Variants in TBC1D5 observed in about 807,000 individuals in gnomAD.
The protein encoded by TBC1D5 is TBC1 domain family, member 5.
Under a neutral mutation model 100.3 loss-of-function variants are expected in TBC1D5, and 75 were observed. The ratio of observed to expected loss-of-function variants is 0.75; its 90% CI spans 0.62 to 0.91. The LOEUF (loss-of-function observed/expected upper bound fraction) is 0.91, where lower values mean the gene tolerates loss of function less well. Ranked by LOEUF, TBC1D5 falls within the 40% of genes least tolerant of loss-of-function variation. The pLI, the probability that TBC1D5 is intolerant of heterozygous loss-of-function variation, is 0.00. For missense variants in TBC1D5, 910 were observed against 942.4 expected (o/e 0.97, Z 0.45); for synonymous variants, 323 against 325.6 (o/e 0.99, Z 0.09).
intron 9 of TBC1D5, 121 bp downstream of exon 9, chr3:17,383,792 T>C (rs1477992211): frequency 1.5e-6 from 1 of 657,046 alleles, no homozygotes; most frequent in East Asian, 2.8e-5. Flanking sequence ...AACTCTCTGA[T>C]TGCTTTAGCA....
intron 1 of TBC1D5, among the ~76,000 whole-genome samples, chr3:17,704,436 G>A (rs2073681891): frequency 6.7e-6 from 1 of 150,116 alleles, no homozygotes; most frequent in Non-Finnish European, 1.5e-5. Context: ...GAGCTGTTGG[G>A]CACACCTCCC....
At chr3:17,537,559 C>G (rs2096294872) in intron 2 of TBC1D5, among the ~76,000 whole-genome samples, 1 of 152,152 alleles carries the variant, frequency 6.6e-6, no homozygotes, top group African/African-American at 2.4e-5. Context: ...ATTAAATATA[C>G]TTCCCATTCC....
chr3:17,655,858 A>T (rs2066013218), intron 1 of TBC1D5, among the ~76,000 whole-genome samples: 1 of 152,226 alleles, frequency 6.6e-6, no homozygotes, highest in Non-Finnish European at 1.5e-5. Flanking sequence ...TGATACAGAC[A>T]TTTAAATAAA....
At chr3:17,439,710 T>C (rs1431650331) in intron 3 of TBC1D5, among the ~76,000 whole-genome samples, 4 of 152,196 alleles carry the variant, frequency 2.6e-5, no homozygotes, top group African/African-American at 9.6e-5. Context: ...CGAATTGATA[T>C]GTATCATTTT....
At chr3:17,346,026 A>C (rs1370988427) in intron 13 of TBC1D5, among the ~76,000 whole-genome samples, 11 of 152,166 alleles carry the variant, frequency 7.2e-5, no homozygotes, top group Non-Finnish European at 1.5e-4. Context: ...ATATGTAACT[A>C]ACCTGCACAT....
At chr3:17,340,904 A>G (rs2151393929) in intron 13 of TBC1D5, among the ~76,000 whole-genome samples, 1 of 152,296 alleles carries the variant, frequency 6.6e-6, no homozygotes, top group Non-Finnish European at 1.5e-5. Flanking sequence ...TTTCTTAGTC[A>G]CCACTGGGTC....
chr3:17,373,457 C>G (rs144580450), intron 12 of TBC1D5, among the ~76,000 whole-genome samples: 1 of 152,208 alleles, frequency 6.6e-6, no homozygotes, highest in East Asian at 1.9e-4. Context: ...CCATAATGAT[C>G]ACTAAGATAG....
chr3:17,316,659 G>A (rs1476983197), intron 13 of TBC1D5, among the ~76,000 whole-genome samples: 1 of 152,200 alleles, frequency 6.6e-6, no homozygotes, highest in Non-Finnish European at 1.5e-5. Context: ...CTTCTTGAAG[G>A]CTCACTGTGT....
chr3:17,571,399 T>A (rs564918178), intron 2 of TBC1D5, among the ~76,000 whole-genome samples: 1 of 152,130 alleles, frequency 6.6e-6, no homozygotes, highest in African/African-American at 2.4e-5. Context: ...CGGCTATTAA[T>A]CTTAAACTAA....
intron 3 of TBC1D5, among the ~76,000 whole-genome samples, chr3:17,496,997 C>G (rs762731800): frequency 6.6e-6 from 1 of 151,950 alleles, no homozygotes; most frequent in African/African-American, 2.4e-5. Context: ...CTTCAGTTCC[C>G]TATGTATGAC....
intron 15 of TBC1D5, among the ~76,000 whole-genome samples, chr3:17,263,623 TAAG>T (rs1190618366): frequency 6.6e-6 from 1 of 152,094 alleles, no homozygotes; most frequent in Non-Finnish European, 1.5e-5. Flanking sequence ...TATAGCAATA[TAAG>T]AAGAATGCTG....
At chr3:17,519,568 G>C (rs750260729) in intron 2 of TBC1D5, among the ~76,000 whole-genome samples, 1 of 152,090 alleles carries the variant, frequency 6.6e-6, no homozygotes, top group Non-Finnish European at 1.5e-5. Flanking sequence ...GTTGGTTTTC[G>C]ACTAACTTCT....
At chr3:17,609,570 T>C (rs1042530173) in intron 2 of TBC1D5, among the ~76,000 whole-genome samples, 4 of 152,246 alleles carry the variant, frequency 2.6e-5, no homozygotes, top group African/African-American at 4.8e-5. Flanking sequence ...AGCTCTATCT[T>C]TGGCTACCTG....
At chr3:17,390,373 AT>A (rs2093316708) in intron 8 of TBC1D5, among the ~76,000 whole-genome samples, 1 of 152,140 alleles carries the variant, frequency 6.6e-6, no homozygotes, top group East Asian at 1.9e-4. Flanking sequence ...GACAAAAAGA[AT>A]CTTTCCTAAG....
chr3:17,713,906 T>C (rs909129996), intron 1 of TBC1D5, among the ~76,000 whole-genome samples: 4 of 152,150 alleles, frequency 2.6e-5, no homozygotes, highest in African/African-American at 4.8e-5. Flanking sequence ...AAATAAGCAG[T>C]AACTATAAGA....
intron 1 of TBC1D5, among the ~76,000 whole-genome samples, chr3:17,628,184 C>G (rs1419930379): frequency 6.6e-6 from 1 of 152,096 alleles, no homozygotes; most frequent in East Asian, 1.9e-4. Flanking sequence ...GCCTGGCCAA[C>G]ATGGCGAAAC....
intron 1 of TBC1D5, among the ~76,000 whole-genome samples, chr3:17,721,466 T>C (rs1379672708): frequency 7.2e-6 from 1 of 138,868 alleles, no homozygotes; most frequent in Admixed American, 6.8e-5. Context: ...AGCATGTGTG[T>C]GTGTGTGTGT....
intron 1 of TBC1D5, among the ~76,000 whole-genome samples, chr3:17,718,807 T>C (rs2075452105): frequency 6.6e-6 from 1 of 152,038 alleles, no homozygotes; most frequent in African/African-American, 2.4e-5. Flanking sequence ...TATAATACCA[T>C]TTAATAAATA....
chr3:17,682,538 G>A (rs931322698), intron 1 of TBC1D5, among the ~76,000 whole-genome samples: 2 of 151,272 alleles, frequency 1.3e-5, no homozygotes, highest in African/African-American at 4.9e-5. Context: ...CATTCTTAAA[G>A]ATATTACACA....
Sources: allele counts gnomAD v4.1 joint callset (sites outside exome capture counted in the v4.1 genomes callset), GRCh38; gene constraint gnomAD v4.1.1; transcripts MANE v1.5; gene names NCBI Gene and HGNC (gene_info 2026-07-23, HGNC 2026-07-21).